CCDC150: variants seen among roughly 807,000 people sequenced by gnomAD.
The protein encoded by CCDC150 is coiled-coil domain-containing protein 150.
CCDC150 carries 151 observed loss-of-function variants against 156.5 expected under a neutral mutation model. That is an observed-to-expected ratio of 0.97 (90% confidence interval 0.85 to 1.10). The LOEUF is 1.10. Among genes scored for constraint, CCDC150 ranks in the 50% least tolerant of loss-of-function variants. The pLI is 0.00. For synonymous variants in CCDC150, 452 were observed against 429.4 expected (o/e 1.05, Z -0.65); for missense variants, 1,312 against 1,268.1 (o/e 1.03, Z -0.53).
In CCDC150 at chr2:196,676,618, G is replaced by A. The variant is rs1033214898; in HGVS notation, c.1327G>A (p.Ala443Thr). The change falls in exon 12 of 28, where the codon GCT becomes ACT. Residue 443 changes from alanine (A) to threonine (T), a missense_variant. By Grantham distance (58) the Ala-to-Thr change is moderately conservative. Coordinates refer to ENST00000389175, the MANE Select transcript of CCDC150 (RefSeq NM_001080539.2). ...AGCACAGGATGCTGAAAAGAGAACA[G>A]CTGTGCAAAAAGAGCTGCTAGAATC... The part of the protein sequence containing the change: ...QKAQDAEKRT[A>T]VQKELLESTI... The A allele has an allele frequency of 5.0e-6, 8 of 1,613,614 alleles. No homozygotes were observed. The highest frequency in any genetic ancestry group is 1.3e-5 in the African/African-American group (1 of 74,938).
chr2:196,656,101 C>T (rs902763385), intron 2 of CCDC150, among the ~76,000 whole-genome samples: 5 of 151,976 alleles, frequency 3.3e-5, no homozygotes, highest in Non-Finnish European at 5.9e-5. Context: ...TAAGTGCTTA[C>T]ACACCCATAT....
intron 17 of CCDC150, among the ~76,000 whole-genome samples, chr2:196,714,570 C>G (rs2125695750): frequency 6.6e-6 from 1 of 152,262 alleles, no homozygotes; most frequent in Admixed American, 6.5e-5. Flanking sequence ...GACTTAGCTT[C>G]CCGGTCGCAA....
intron 2 of CCDC150, among the ~76,000 whole-genome samples, chr2:196,651,663 T>G (rs10204260): frequency 0.78 from 119,196 of 152,156 alleles, 46,912 homozygotes; most frequent in East Asian, 0.97. Context: ...GGGTTCTCTT[T>G]TATGTAACAA....
intron 4 of CCDC150, among the ~76,000 whole-genome samples, chr2:196,658,191 G>A (rs1693336115): frequency 6.6e-6 from 1 of 152,074 alleles, no homozygotes; most frequent in Non-Finnish European, 1.5e-5. Context: ...CATTATTTGA[G>A]GCATGAGCCA....
intron 15 of CCDC150, among the ~76,000 whole-genome samples, chr2:196,709,271 AC>A (rs1398205394): frequency 2.0e-5 from 3 of 152,048 alleles, no homozygotes; most frequent in Non-Finnish European, 4.4e-5. Context: ...AATCACTGAT[AC>A]CCTTTCTTCC....
intron 13 of CCDC150, among the ~76,000 whole-genome samples, chr2:196,685,248 A>G (rs1240601336): frequency 6.6e-6 from 1 of 152,184 alleles, no homozygotes; most frequent in East Asian, 1.9e-4. Context: ...AAAAATATAT[A>G]CTACCTTTTA....
At position 196,657,177 on chromosome 2, in the gene CCDC150, G is replaced by A. The variant is rs1313027451; in HGVS notation, c.576+41G>A. 5.0e-6 allele frequency: 8 copies of A among 1,591,138 alleles called. No individual in the cohort carries two copies. The East Asian group carries it at 1.8e-4, about 36-fold the overall frequency. On this transcript the variant is annotated intron_variant, in intron 4 of 27. Coordinates refer to ENST00000389175, the MANE Select transcript of CCDC150 (RefSeq NM_001080539.2). The stretch of plus-strand genomic sequence containing the variant: ...TTCTGAAGTATAAACACACTGTTAT[G>A]TGTTAGCTGGAGGAGGTAACAGACC...
chr2:196,676,895 T>C (rs1694537805), intron 12 of CCDC150, among the ~76,000 whole-genome samples, 164 bp downstream of exon 12: 1 of 152,254 alleles, frequency 6.6e-6, no homozygotes, highest in Admixed American at 6.5e-5. Flanking sequence ...TTTTAGCATG[T>C]GAAGTAGTCT....
At chr2:196,688,521 A>G (rs1695249779) in intron 13 of CCDC150, among the ~76,000 whole-genome samples, 2 of 152,144 alleles carry the variant, frequency 1.3e-5, no homozygotes, top group Admixed American at 1.3e-4. Context: ...TTTTTGAGAT[A>G]TAGGATCGCA....
rs749683831 is a variant in CCDC150 at position 196,720,645 on chromosome 2, A to G, written c.2236A>G (p.Met746Val). 1 of 1,613,836 alleles carries G rather than the reference A, an allele frequency of 6.2e-7. No individual in the cohort carries two copies. The highest frequency in any genetic ancestry group is 8.5e-7 in the Non-Finnish European group (1 of 1,179,780). The change falls in exon 20 of 28, where the codon ATG becomes GTG. Residue 746 changes from methionine to valine, a missense_variant. Physicochemically the swap from Met to Val is conservative, Grantham distance 21 (BLOSUM62 1). Coordinates refer to ENST00000389175, the MANE Select transcript of CCDC150 (RefSeq NM_001080539.2). ...CCAGTGGCAGGCCAGGATGCTTGTC[A>G]TGGAGGACCAGCACAACAGTGAGGT... Reference protein sequence around the residue: ...VDQWQARMLVMEDQHNSEIES... With the variant: ...VDQWQARMLVVEDQHNSEIES...
At chr2:196,669,352 C>T (rs1056377631) in intron 7 of CCDC150, among the ~76,000 whole-genome samples, 2 of 152,156 alleles carry the variant, frequency 1.3e-5, no homozygotes, top group Non-Finnish European at 2.9e-5. Context: ...CAGATGTTCT[C>T]CTTGTCTCAT....
intron 21 of CCDC150, among the ~76,000 whole-genome samples, chr2:196,723,170 C>T (rs575814093): frequency 6.6e-6 from 1 of 152,206 alleles, no homozygotes; most frequent in Admixed American, 6.5e-5. Flanking sequence ...AGGCTTAGTT[C>T]TAAGAAGAGG....
In CCDC150 at chr2:196,719,886, A is replaced by G. The variant is rs1033144012; in HGVS notation, c.2165+220A>G. 4 of 361,834 alleles carry G rather than the reference A, an allele frequency of 1.1e-5. No homozygotes were observed. In the South Asian group the frequency reaches 1.5e-4, roughly 13 times the overall value. The allele number at this position is 361,834 out of a possible 1,614,324, so 22.4% of individuals were successfully genotyped here. On this transcript the variant is annotated intron_variant, in intron 19 of 27. Transcript: ENST00000389175. The stretch of plus-strand genomic sequence containing the variant: ...CCCCTATTGTGTAGTGATGTGAAGG[A>G]ATTTCTAGACTATATATCCTAGAAA...
chr2:196,686,187 A>G, intron 13 of CCDC150: 1 of 293,156 alleles, frequency 3.4e-6, no homozygotes, highest in Non-Finnish European at 6.6e-6. Flanking sequence ...TGCTGCTGGA[A>G]TGCTTACACC....
At chr2:196,720,541 C>G in intron 19 of CCDC150, 34 bp from the exon 20 acceptor site, 1 of 1,562,286 alleles carries the variant, frequency 6.4e-7, no homozygotes, top group South Asian at 1.1e-5. Flanking sequence ...CGATTCTTTT[C>G]TGTAGTCACT....
At chr2:196,702,047 T>C (rs1308742583) in intron 15 of CCDC150, among the ~76,000 whole-genome samples, 1 of 152,052 alleles carries the variant, frequency 6.6e-6, no homozygotes, top group African/African-American at 2.4e-5. Flanking sequence ...CTGGGCAATA[T>C]AGCAAGACCC....
rs1420790432 is a variant in CCDC150 at position 196,729,802 on chromosome 2, A to G, written c.2761A>G (p.Lys921Glu). 6.4e-7 allele frequency: 1 copy of G among 1,574,530 alleles called. No homozygotes were observed. The highest frequency in any genetic ancestry group is 8.7e-7 in the Non-Finnish European group (1 of 1,153,768). Reference sequence around the variant, plus strand: ...TTCCAATTACTTTTAGCAAATAGAAAAAGAATTGAAGCAAATGGAGCTAAT... The same window carrying G: ...TTCCAATTACTTTTAGCAAATAGAAGAAGAATTGAAGCAAATGGAGCTAAT... Reference protein sequence around the residue: ...QNIERMKQIEKELKQMELIKD... With the variant: ...QNIERMKQIEEELKQMELIKD... Residue 921 changes from lysine (K) to glutamate (E), a missense_variant, in exon 24 of 28, where the codon AAA becomes GAA. Coordinates refer to ENST00000389175, the MANE Select transcript of CCDC150 (RefSeq NM_001080539.2).
chr2:196,669,477 C>T (rs577684693), intron 7 of CCDC150, among the ~76,000 whole-genome samples: 32 of 152,274 alleles, frequency 2.1e-4, no homozygotes, highest in African/African-American at 7.5e-4. Flanking sequence ...CGGTCCTCAT[C>T]GTCATTACTT....
chr2:196,722,406 G>A (rs1697974034), intron 21 of CCDC150, among the ~76,000 whole-genome samples: 1 of 151,590 alleles, frequency 6.6e-6, no homozygotes, highest in Admixed American at 6.6e-5. Context: ...CTCCTGAGTA[G>A]CTGGAACTAC....
Sources: allele counts gnomAD v4.1 joint callset (sites outside exome capture counted in the v4.1 genomes callset), GRCh38; gene constraint gnomAD v4.1.1; transcripts MANE v1.5; gene names NCBI Gene and HGNC (gene_info 2026-07-23, HGNC 2026-07-21).